The following ZNF777 variants were observed in gnomAD, a reference collection of about 807,000 sequenced individuals.
ZNF777 encodes zinc finger protein 777.
ZNF777 carries 7 observed loss-of-function variants against 72.1 expected under a neutral mutation model. The observed-to-expected ratio is 0.10, with a 90% CI of 0.06 to 0.18. ZNF777 has a LOEUF of 0.18. Among genes scored for constraint, ZNF777 ranks in the 10% least tolerant of loss-of-function variants. ZNF777 has a pLI of 1.00. For synonymous variants in ZNF777, 545 were observed against 483.5 expected (o/e 1.13, Z -1.67); for missense variants, 828 against 1,128.6 (o/e 0.73, Z 3.82).
At chr7:149,458,585 C>A (rs1563241990) in intron 1 of ZNF777, among the ~76,000 whole-genome samples, 1 of 152,174 alleles carries the variant, frequency 6.6e-6, no homozygotes, top group South Asian at 2.1e-4. Context: ...ACCAAGGCAT[C>A]TTTACCAGCT....
Position 149,455,381 on chromosome 7 carries a change from C to T in ZNF777, c.642G>A (p.Gly214=), listed in dbSNP as rs1026101230. Residue 214 remains glycine, a synonymous_variant, in exon 2 of 6, where the codon GGG becomes GGA. Transcript: ENST00000247930. This position sits in a 1 kb window ranked among gnomAD's most constrained non-coding sequence, Gnocchi z 4.2. ...MRLLTLEGRT[G]TNEKKIADCE... ...AGTCGGCTATCTTCTTTTCATTTGTCCCCGTCCTGCCTTCCAGGGTCAGTA... is the reference window on the plus strand; with the variant it reads ...AGTCGGCTATCTTCTTTTCATTTGTTCCCGTCCTGCCTTCCAGGGTCAGTA... 3.7e-6 allele frequency: 6 copies of T among 1,614,090 alleles called. No homozygotes were observed. Among genetic ancestry groups the T allele is most frequent in the Non-Finnish European group, 5.1e-6 (6 of 1,180,054 alleles).
chr7:149,454,160 C>G lies in ZNF777; in HGVS notation c.924G>C (p.Glu308Asp). 2 of 1,614,222 alleles carry G rather than the reference C, an allele frequency of 1.2e-6. No individual in the cohort carries two copies. The highest frequency in any genetic ancestry group is 1.7e-6 in the Non-Finnish European group (2 of 1,180,034). Residue 308 changes from glutamate (E) to aspartate (D), a missense_variant, in exon 3 of 6, where the codon GAG becomes GAC. Physicochemically the swap from Glu to Asp is conservative, Grantham distance 45. Coordinates refer to ENST00000247930, the MANE Select transcript of ZNF777 (RefSeq NM_015694.3). ...EWGNLSEWQK[E>D]LYKNVMRGNY... Reference sequence around the variant, plus strand: ...TGCCCCTCATCACGTTCTTGTAGAGCTCCTTCTGCCACTCAGACAGGTTTC... The same window carrying G: ...TGCCCCTCATCACGTTCTTGTAGAGGTCCTTCTGCCACTCAGACAGGTTTC...
rs1799421895 is a variant in ZNF777, at chr7:149,436,902, C to A, written c.1088-76G>T. 1 of 1,526,268 alleles carries A rather than the reference C, an allele frequency of 6.6e-7. No individual in the cohort carries two copies. Among genetic ancestry groups the A allele is most frequent in the African/African-American group, 1.4e-5 (1 of 72,762 alleles). 94.5% of individuals were successfully genotyped at this position (1,526,268 alleles called of 1,614,324 possible). A position where few individuals can be genotyped will look rare whatever the true frequency, so the allele number is the denominator to read the frequency against. ...ATGCCAACTGCCCAGGTTTCTGCAG[C>A]CCTACAATTTACATCTCAATAAGTC... On this transcript the variant is annotated intron_variant, in intron 4 of 5. Coordinates refer to ENST00000247930, the MANE Select transcript of ZNF777 (RefSeq NM_015694.3). The surrounding 1 kb of genome is among the most constrained non-coding windows in gnomAD (Gnocchi z 5.0).
chr7:149,450,005 A>G (rs1056239751), intron 4 of ZNF777, among the ~76,000 whole-genome samples: 9 of 152,170 alleles, frequency 5.9e-5, no homozygotes, highest in Non-Finnish European at 2.9e-5. Context: ...TAGGTCCCCA[A>G]ATCAACGACA....
chr7:149,459,577 G>A, intron 1 of ZNF777: 3 of 957,448 alleles, frequency 3.1e-6, no homozygotes, highest in Non-Finnish European at 3.7e-6. Flanking sequence ...GCCGCCGCCA[G>A]AGCCACCCCC....
rs1019393707 is a variant in ZNF777, at chr7:149,451,052, A to G, written c.1034T>C (p.Met345Thr). ...CTCCTCAGAGTCTTCCTGCTCCTGC[A>G]TGGTGGGCCGCTCCCCGCGCTCCAT... ...SQMERGERPTMQEQEDSEEGE... is the reference protein window; with the variant it reads ...SQMERGERPTTQEQEDSEEGE... The change falls in exon 4 of 6, where the codon ATG becomes ACG. Residue 345 changes from methionine (M) to threonine (T), a missense_variant. Physicochemically the swap from Met to Thr is moderately conservative, Grantham distance 81. This residue lies in a region of ZNF777 where 73 missense variants were observed against 90.6 expected (regional missense o/e 0.81). Transcript: ENST00000247930. 1.9e-6 allele frequency: 3 copies of G among 1,613,914 alleles called. No individual in the cohort carries two copies. The highest frequency in any genetic ancestry group is 2.7e-5 in the African/African-American group (2 of 75,002).
chr7:149,459,229 C>T (rs994279487), intron 1 of ZNF777, among the ~76,000 whole-genome samples: 1 of 152,202 alleles, frequency 6.6e-6, no homozygotes, highest in Admixed American at 6.5e-5. Context: ...CTCAAAGGCA[C>T]TGACTCCCAT....
In ZNF777 at chr7:149,432,637, G is replaced by A. The variant is rs1211769010; in HGVS notation, c.1635C>T (p.Pro545=). The change falls in exon 6 of 6, where the codon CCC becomes CCT. Residue 545 remains proline, a synonymous_variant. Transcript: ENST00000247930. ...QQQRNRRGER[P]FTCMECGKSF... Reference sequence around the variant, plus strand: ...TCTTGCCGCACTCCATGCATGTGAAGGGCCGCTCGCCGCGCCGGTTCCGCT... The same window carrying A: ...TCTTGCCGCACTCCATGCATGTGAAAGGCCGCTCGCCGCGCCGGTTCCGCT... 2 of 1,613,694 alleles carry A rather than the reference G, an allele frequency of 1.2e-6. No homozygotes were observed. The highest frequency in any genetic ancestry group is 2.2e-5 in the South Asian group (2 of 91,064).
chr7:149,448,263 C>T (rs962322043), intron 4 of ZNF777, among the ~76,000 whole-genome samples: 2 of 151,582 alleles, frequency 1.3e-5, no homozygotes, highest in Non-Finnish European at 2.9e-5. Flanking sequence ...ATTAGGAGTT[C>T]ATGAGCAGCC....
At position 149,455,058 on chromosome 7, in the gene ZNF777, TG is replaced by T; in HGVS notation, c.846+118del. 7.8e-7 allele frequency: 1 copy of T among 1,274,686 alleles called. No individual in the cohort carries two copies. Among genetic ancestry groups the T allele is most frequent in the Non-Finnish European group, 1.1e-6 (1 of 922,084 alleles). 79.0% of individuals were successfully genotyped at this position (1,274,686 alleles called of 1,614,324 possible). On this transcript the variant is annotated intron_variant, in intron 2 of 5. Transcript: ENST00000247930. The surrounding 1 kb of genome is among the most constrained non-coding windows in gnomAD (Gnocchi z 4.2). ...TTTGATTTTGGCATGTCCTAGCAAC[TG>T]GGATCACTGTATTTTTTCCTTTATC...
Position 149,460,982 on chromosome 7 carries a change from C to T in ZNF777, c.-183G>A, listed in dbSNP as rs1024497183. On this transcript the variant is annotated 5_prime_UTR_variant, in exon 1 of 6. Coordinates refer to ENST00000247930, the MANE Select transcript of ZNF777 (RefSeq NM_015694.3). This position sits in a 1 kb window ranked among gnomAD's most constrained non-coding sequence, Gnocchi z 6.1. ...CCCTGCGCCTCTCACACCCAGAACC[C>T]GGGGTCGTTCCCTTTCAAAACCTGC... is the stretch of plus-strand genomic sequence containing the variant. 7 of 152,330 alleles carry T rather than the reference C, an allele frequency of 4.6e-5. No homozygotes were observed. The highest frequency in any genetic ancestry group is 1.2e-4 in the African/African-American group (5 of 41,468). The allele number at this position is 152,330 out of a possible 1,614,324, so 9.4% of individuals were successfully genotyped here.
chr7:149,436,564 C>A lies in ZNF777; in HGVS notation c.1339+11G>T, dbSNP rs1321720761. 1 of 1,587,070 alleles carries A rather than the reference C, an allele frequency of 6.3e-7. No homozygotes were observed. Among genetic ancestry groups the A allele is most frequent in the South Asian group, 1.1e-5 (1 of 90,240 alleles). On this transcript the variant is annotated intron_variant, in intron 5 of 5. Coordinates refer to ENST00000247930, the MANE Select transcript of ZNF777 (RefSeq NM_015694.3). This position sits in a 1 kb window ranked among gnomAD's most constrained non-coding sequence, Gnocchi z 5.0. ...GCAACCCTTCCCCGGCCGTCCCCGC[C>A]CAGCACTCACCCGTGCAGTTCCTCT...
intron 4 of ZNF777, among the ~76,000 whole-genome samples, chr7:149,448,668 A>G (rs1799660789): frequency 6.7e-6 from 1 of 149,202 alleles, no homozygotes; most frequent in South Asian, 2.1e-4. Flanking sequence ...TTCTCGAGAG[A>G]CTGAAATGAT....
rs974614808 is a variant in ZNF777 at position 149,432,715 on chromosome 7, G to A, written c.1557C>T (p.Ser519=). 5.6e-6 allele frequency: 9 copies of A among 1,612,134 alleles called. No homozygotes were observed. Among genetic ancestry groups the A allele is most frequent in the African/African-American group, 1.3e-5 (1 of 74,866 alleles). ...GNPAVKRLAP[S]VHGERHLSEN... ...CGCTCAGGTGCCGCTCACCGTGCAC[G>A]GAGGGCGCCAGCCTTTTCACTGCGG... Residue 519 remains serine (S), a synonymous_variant, in exon 6 of 6, where the codon TCC becomes TCT. Transcript: ENST00000247930.
rs771767591 is a variant in ZNF777 at position 149,432,619 on chromosome 7, G to A, written c.1653C>T (p.Cys551=). The A allele has an allele frequency of 2.5e-6, 4 of 1,613,732 alleles. No homozygotes were observed. The highest frequency in any genetic ancestry group is 2.2e-5 in the South Asian group (2 of 91,076). ...TGATCTTCAGGCGGAAGCTCTTGCC[G>A]CACTCCATGCATGTGAAGGGCCGCT... is the stretch of plus-strand genomic sequence containing the variant. ...RGERPFTCME[C]GKSFRLKINL... is the part of the protein sequence containing the mutation. The change falls in exon 6 of 6, where the codon TGC becomes TGT. Residue 551 remains cysteine (C), a synonymous_variant. Transcript: ENST00000247930.
chr7:149,455,122 A>C lies in ZNF777; in HGVS notation c.846+55T>G. ...CTTTCATATTACACTACATTCCTAA[A>C]CCACACTCCAATTCAGATCACTTCC... On this transcript the variant is annotated intron_variant, in intron 2 of 5. Transcript: ENST00000247930. This position sits in a 1 kb window ranked among gnomAD's most constrained non-coding sequence, Gnocchi z 4.2. 1.3e-6 allele frequency: 2 copies of C among 1,547,588 alleles called. No individual in the cohort carries two copies. The highest frequency in any genetic ancestry group is 1.7e-6 in the Non-Finnish European group (2 of 1,151,052).
At chr7:149,449,568 C>T (rs1200074803) in intron 4 of ZNF777, among the ~76,000 whole-genome samples, 1 of 152,186 alleles carries the variant, frequency 6.6e-6, no homozygotes, top group Admixed American at 6.5e-5. Context: ...ATTTTAACCA[C>T]AAATCATCTC....
chr7:149,448,487 A>C (rs1394968128), intron 4 of ZNF777, among the ~76,000 whole-genome samples: 1 of 12,234 alleles, frequency 8.2e-5, no homozygotes, highest in African/African-American at 1.6e-4. Flanking sequence ...AAACAAAACT[A>C]TATATATATA....
At position 149,451,089 on chromosome 7, in the gene ZNF777, G is replaced by A. The variant is rs1293089137; in HGVS notation, c.997C>T (p.Leu333Phe). Residue 333 changes from leucine (L) to phenylalanine (F), a missense_variant, in exon 4 of 6, where the codon CTC (leucine) becomes TTC (phenylalanine). Around this residue, in one of 12 missense-constraint regions of ZNF777, gnomAD observed 73 missense variants for 90.6 expected, o/e 0.81. Transcript: ENST00000247930. ...SMDYAISKPD[L>F]MSQMERGERP... The stretch of plus-strand genomic sequence containing the variant: ...TCCCCGCGCTCCATCTGTGACATGA[G>A]GTCTGGTTTGGAAATTGCATAGTCT... The A allele has an allele frequency of 1.2e-6, 2 of 1,613,958 alleles. No homozygotes were observed. Among genetic ancestry groups the A allele is most frequent in the Non-Finnish European group, 8.5e-7 (1 of 1,180,020 alleles).
Sources: allele counts gnomAD v4.1 joint callset (sites outside exome capture counted in the v4.1 genomes callset), GRCh38; gene constraint gnomAD v4.1.1; regional missense constraint gnomAD v4.1.1; non-coding constraint Gnocchi (gnomAD v3.1); transcripts MANE v1.5; gene names NCBI Gene and HGNC (gene_info 2026-07-23, HGNC 2026-07-21).